COMMD10: variants seen among roughly 807,000 people sequenced by gnomAD.
COMMD10 encodes COMM domain-containing protein 10.
A neutral mutation model predicts 28.9 loss-of-function variants in COMMD10; 33 were observed. The observed-to-expected ratio is 1.14, with a 90% CI of 0.87 to 1.53. COMMD10 has a LOEUF of 1.53. Ranked by LOEUF, COMMD10 falls within the 40% of genes most tolerant of loss-of-function variation. COMMD10 has a pLI of 0.00. For missense variants in COMMD10, 310 were observed against 233.4 expected (o/e 1.33, Z -2.14); for synonymous variants, 110 against 81.7 (o/e 1.35, Z -1.87).
In COMMD10 at chr5:116,087,514, C is replaced by T; in HGVS notation, c.59C>T (p.Ser20Leu). 2 of 1,609,390 alleles carry T rather than the reference C, an allele frequency of 1.2e-6. No homozygotes were observed. Among genetic ancestry groups the T allele is most frequent in the Non-Finnish European group, 1.7e-6 (2 of 1,175,620 alleles). ...TTGTTTAGCATGAAGAAAGCAGTGTCACTGATAAATGCAATAGATACAGGA... is the reference window on the plus strand; with the variant it reads ...TTGTTTAGCATGAAGAAAGCAGTGTTACTGATAAATGCAATAGATACAGGA... ...RESPSMKKAV[S>L]LINAIDTGRF... Residue 20 changes from serine to leucine, a missense_variant, in exon 2 of 7, where the codon TCA becomes TTA. Ser to Leu is a moderately radical substitution (Grantham distance 145, BLOSUM62 -2). Coordinates refer to ENST00000274458, the MANE Select transcript of COMMD10 (RefSeq NM_016144.4).
At chr5:116,141,800 T>C (rs1299626363) in intron 5 of COMMD10, among the ~76,000 whole-genome samples, 1 of 151,892 alleles carries the variant, frequency 6.6e-6, no homozygotes, top group Non-Finnish European at 1.5e-5. Context: ...CTGATTTTTG[T>C]ATGGTGATTT....
chr5:116,134,797 A>G (rs534606307), intron 5 of COMMD10, among the ~76,000 whole-genome samples: 5 of 151,762 alleles, frequency 3.3e-5, no homozygotes, highest in Admixed American at 6.6e-5. Context: ...AATTTTTTGT[A>G]TTTTTAGTAG....
intron 5 of COMMD10, among the ~76,000 whole-genome samples, chr5:116,244,950 C>T (rs747572440): frequency 2.0e-5 from 3 of 151,144 alleles, no homozygotes; most frequent in East Asian, 2.0e-4. Context: ...AAACAAATCC[C>T]AAAGCTAGCA....
At chr5:116,263,250 G>T (rs541480987) in intron 5 of COMMD10, among the ~76,000 whole-genome samples, 1 of 151,670 alleles carries the variant, frequency 6.6e-6, no homozygotes, top group South Asian at 2.1e-4. Context: ...CATTTATCTT[G>T]CCCAAATTCC....
chr5:116,160,190 A>G (rs1489782386), intron 5 of COMMD10, among the ~76,000 whole-genome samples: 1 of 152,162 alleles, frequency 6.6e-6, no homozygotes, highest in African/African-American at 2.4e-5. Flanking sequence ...AGAAATAGAG[A>G]TATGGGAGAG....
At chr5:116,288,872 CTTTTTT>C (rs1157658912) in intron 5 of COMMD10, among the ~76,000 whole-genome samples, 72 of 104,362 alleles carry the variant, frequency 6.9e-4, no homozygotes, top group Non-Finnish European at 9.6e-4. Context: ...TGTTCTCTCT[CTTTTTT>C]TTTTTTTTTT....
At chr5:116,179,783 GTGATGGTAACCA>G (rs1208380648) in intron 5 of COMMD10, among the ~76,000 whole-genome samples, 2 of 152,080 alleles carry the variant, frequency 1.3e-5, no homozygotes, top group African/African-American at 4.8e-5. Context: ...GAAGGTCAGT[GTGATGGTAACCA>G]TGAAAGATTG....
intron 5 of COMMD10, among the ~76,000 whole-genome samples, chr5:116,196,008 T>A (rs1343461455): frequency 6.6e-6 from 1 of 152,136 alleles, no homozygotes; most frequent in Non-Finnish European, 1.5e-5. Context: ...AGTACAGCCA[T>A]TATGGAAGAC....
At chr5:116,233,554 A>G (rs1408264468) in intron 5 of COMMD10, among the ~76,000 whole-genome samples, 2 of 152,190 alleles carry the variant, frequency 1.3e-5, no homozygotes, top group African/African-American at 2.4e-5. Flanking sequence ...AAATATTTAC[A>G]TAGAAGCTAT....
intron 4 of COMMD10, among the ~76,000 whole-genome samples, chr5:116,097,513 A>T (rs62384692): frequency 0.075 from 11,397 of 152,260 alleles, 504 homozygotes; most frequent in Admixed American, 0.13. Context: ...CTATTATGCT[A>T]TCCTAACACA....
intron 4 of COMMD10, among the ~76,000 whole-genome samples, chr5:116,131,389 G>A (rs1751856016): frequency 1.3e-5 from 2 of 151,844 alleles, no homozygotes; most frequent in South Asian, 4.1e-4. Context: ...AGGGGTATGT[G>A]TGTGTGTGTG....
intron 5 of COMMD10, among the ~76,000 whole-genome samples, chr5:116,264,534 C>T (rs541413937): frequency 7.9e-5 from 12 of 151,840 alleles, no homozygotes; most frequent in African/African-American, 2.7e-4. Context: ...TTGGATGATG[C>T]GAGCGCATTA....
At chr5:116,193,430 A>G (rs1180581943) in intron 5 of COMMD10, among the ~76,000 whole-genome samples, 1 of 152,148 alleles carries the variant, frequency 6.6e-6, no homozygotes, top group Non-Finnish European at 1.5e-5. Flanking sequence ...AGACTCACCT[A>G]ACACCTAACA....
At chr5:116,269,467 T>C (rs191416653) in intron 5 of COMMD10, among the ~76,000 whole-genome samples, 3 of 151,956 alleles carry the variant, frequency 2.0e-5, no homozygotes, top group Non-Finnish European at 4.4e-5. Flanking sequence ...CTTTTAGATT[T>C]CAGGTAGTAA....
chr5:116,280,503 A>G (rs1580608252), intron 5 of COMMD10, among the ~76,000 whole-genome samples: 1 of 151,632 alleles, frequency 6.6e-6, no homozygotes, highest in South Asian at 2.1e-4. Context: ...ATAAAAGGCA[A>G]CCTGCAGACA....
At chr5:116,244,881 A>G (rs1220063199) in intron 5 of COMMD10, among the ~76,000 whole-genome samples, 1 of 151,970 alleles carries the variant, frequency 6.6e-6, no homozygotes, top group Non-Finnish European at 1.5e-5. Flanking sequence ...CAAGTTAGAA[A>G]GATCTCAAGT....
chr5:116,262,331 C>T (rs962363473), intron 5 of COMMD10, among the ~76,000 whole-genome samples: 4 of 151,646 alleles, frequency 2.6e-5, no homozygotes, highest in Admixed American at 2.0e-4. Flanking sequence ...ATGTTGTGAA[C>T]CAATTTCTTC....
chr5:116,158,818 C>T (rs1752824986), intron 5 of COMMD10, among the ~76,000 whole-genome samples: 1 of 150,568 alleles, frequency 6.6e-6, no homozygotes, highest in African/African-American at 2.5e-5. Context: ...AATTAATGTA[C>T]ATTATGTAAT....
chr5:116,269,764 A>G (rs1020826436), intron 5 of COMMD10, among the ~76,000 whole-genome samples: 1 of 151,778 alleles, frequency 6.6e-6, no homozygotes, highest in African/African-American at 2.4e-5. Context: ...GTTGTAAGCC[A>G]TCTTGGTTTG....
Sources: allele counts gnomAD v4.1 joint callset (sites outside exome capture counted in the v4.1 genomes callset), GRCh38; gene constraint gnomAD v4.1.1; transcripts MANE v1.5; gene names NCBI Gene and HGNC (gene_info 2026-07-23, HGNC 2026-07-21).